The following DNAH14 variants were observed in gnomAD, a reference collection of about 807,000 sequenced individuals.
DNAH14 encodes axonemal beta dynein heavy chain 14.
DNAH14 carries 478 observed loss-of-function variants against 520.9 expected under a neutral mutation model. The ratio of observed to expected loss-of-function variants is 0.92; its 90% CI spans 0.85 to 0.99. The LOEUF is 0.99. Ranked by LOEUF, DNAH14 falls within the 50% of genes least tolerant of loss-of-function variation. The pLI, the probability that DNAH14 is intolerant of heterozygous loss-of-function variation, is 0.00. For synonymous variants in DNAH14, 1,581 were observed against 1,757.2 expected (o/e 0.90, Z 2.51); for missense variants, 4,831 against 5,234.5 (o/e 0.92, Z 2.38).
rs7413487 is a variant in DNAH14 at position 224,945,965 on chromosome 1, G to A, written c.-33-6705G>A. On this transcript the variant is annotated intron_variant, in intron 1 of 85. Transcript: ENST00000682510. ...AACTGCTTGAGGAGGCAGTCTGTCC[G>A]TTCTCAAATCTCCAGCTGCATGCTG... Among the ~76,000 whole-genome samples the A allele has an allele frequency of 5.4e-5, 8 of 149,392 alleles. No homozygotes were observed. The South Asian group carries it at 8.5e-4, about 16-fold the overall frequency.
intron 77 of DNAH14, among the ~76,000 whole-genome samples, chr1:225,370,982 T>C (rs2150643575): frequency 6.6e-6 from 1 of 152,270 alleles, no homozygotes; most frequent in Admixed American, 6.5e-5. Context: ...GGTAGGCCAA[T>C]TGCCACAAAA....
At chr1:224,938,378 A>G in intron 1 of DNAH14, among the ~76,000 whole-genome samples, 1 of 152,220 alleles carries the variant, frequency 6.6e-6, no homozygotes, top group East Asian at 1.9e-4. Context: ...AAATAGACAA[A>G]AGATATGAAC....
intron 35 of DNAH14, among the ~76,000 whole-genome samples, chr1:225,161,587 T>C (rs12736406): frequency 0.13 from 20,367 of 152,164 alleles, 1,508 homozygotes; most frequent in East Asian, 0.31. Context: ...AACCTCCAAA[T>C]TGTTCTCCAT....
chr1:225,216,265 A>G (rs1013199200), intron 41 of DNAH14, among the ~76,000 whole-genome samples: 8 of 152,128 alleles, frequency 5.3e-5, no homozygotes, highest in Admixed American at 2.0e-4. Flanking sequence ...CAAGAGATCC[A>G]CTGTTAGTCT....
intron 34 of DNAH14, among the ~76,000 whole-genome samples, chr1:225,154,244 A>G (rs999690829): frequency 6.6e-6 from 1 of 152,112 alleles, no homozygotes; most frequent in African/African-American, 2.4e-5. Context: ...TAAAATCATA[A>G]CATCTTAAAG....
intron 27 of DNAH14, among the ~76,000 whole-genome samples, chr1:225,128,382 A>G (rs2077999283): frequency 6.6e-6 from 1 of 152,172 alleles, no homozygotes; most frequent in African/African-American, 2.4e-5. Context: ...ATTTTAGACC[A>G]ATATCCTTGA....
intron 41 of DNAH14, among the ~76,000 whole-genome samples, chr1:225,209,722 A>C (rs1033018218): frequency 1.3e-5 from 2 of 152,192 alleles, no homozygotes; most frequent in African/African-American, 4.8e-5. Context: ...TGATTTAAGC[A>C]TGAGAAGTGC....
At chr1:225,357,777 CGTGTGTAGCTTCA>C in intron 73 of DNAH14, 1 of 701,992 alleles carries the variant, frequency 1.4e-6, no homozygotes, top group Non-Finnish European at 2.6e-6. Context: ...GGCACACTGA[CGTGTGTAGCTTCA>C]GTTTTGCTTT....
At chr1:224,992,848 A>G (rs757082128) in intron 8 of DNAH14, among the ~76,000 whole-genome samples, 3 of 152,010 alleles carry the variant, frequency 2.0e-5, no homozygotes, top group Non-Finnish European at 4.4e-5. Flanking sequence ...GCCTCATTAT[A>G]TATGGCCTTA....
intron 10 of DNAH14, among the ~76,000 whole-genome samples, chr1:225,012,961 T>C (rs2064914739): frequency 6.6e-6 from 1 of 152,218 alleles, no homozygotes; most frequent in Non-Finnish European, 1.5e-5. Flanking sequence ...AGCCTACTTC[T>C]GTCAGTTCAT....
At chr1:225,226,369 A>G (rs1224925102) in intron 41 of DNAH14, among the ~76,000 whole-genome samples, 1 of 152,214 alleles carries the variant, frequency 6.6e-6, no homozygotes, top group Non-Finnish European at 1.5e-5. Flanking sequence ...CCGCCCAAAC[A>G]CAATTATGGC....
chr1:225,045,838 G>A (rs1026185557), intron 15 of DNAH14, among the ~76,000 whole-genome samples: 3 of 151,966 alleles, frequency 2.0e-5, no homozygotes, highest in African/African-American at 7.2e-5. Flanking sequence ...ATAAACTTGG[G>A]GTGGGAGGAG....
At chr1:225,282,502 A>G (rs865781740) in intron 54 of DNAH14, among the ~76,000 whole-genome samples, 2 of 152,226 alleles carry the variant, frequency 1.3e-5, no homozygotes, top group Non-Finnish European at 2.9e-5. Context: ...GCAAGTATTC[A>G]ATGTTAACTT....
chr1:225,149,080 T>C (rs1160611763), intron 31 of DNAH14, among the ~76,000 whole-genome samples: 3 of 144,864 alleles, frequency 2.1e-5, no homozygotes, highest in Non-Finnish European at 3.0e-5. Flanking sequence ...GTTTTTATAG[T>C]TTTGGGTTTT....
Position 225,270,759 on chromosome 1 carries a change from G to A in DNAH14, c.7564G>A (p.Ala2522Thr). 1 of 1,551,206 alleles carries A rather than the reference G, an allele frequency of 6.4e-7. No homozygotes were observed. The highest frequency in any genetic ancestry group is 8.7e-7 in the Non-Finnish European group (1 of 1,146,752). Reference protein sequence around the residue: ...WKNIQDLSIVAACVPVVNDIS... With the variant: ...WKNIQDLSIVTACVPVVNDIS... ...GAATATTCAAGATCTGTCTATAGTT[G>A]CAGCTTGTGTTCCAGTTGTGAATGA... Residue 2522 changes from alanine (A) to threonine (T), a missense_variant, in exon 50 of 86, where the codon GCA becomes ACA. Ala to Thr is a moderately conservative substitution (Grantham distance 58). Transcript: ENST00000682510.
At chr1:225,225,251 C>A (rs1372479698) in intron 41 of DNAH14, among the ~76,000 whole-genome samples, 1 of 152,174 alleles carries the variant, frequency 6.6e-6, no homozygotes, top group Non-Finnish European at 1.5e-5. Context: ...TTAGTTATGG[C>A]AAACAGATGT....
chr1:225,014,809 C>G (rs758044454), intron 10 of DNAH14, among the ~76,000 whole-genome samples: 3 of 152,078 alleles, frequency 2.0e-5, no homozygotes, highest in Non-Finnish European at 4.4e-5. Context: ...TTTATGAGGT[C>G]CATTTAGTTT....
At chr1:225,301,859 A>G (rs908847101) in intron 56 of DNAH14, among the ~76,000 whole-genome samples, 1 of 152,064 alleles carries the variant, frequency 6.6e-6, no homozygotes, top group Non-Finnish European at 1.5e-5. Flanking sequence ...ACAAGATAAT[A>G]TGAGTGGATA....
Position 225,258,022 on chromosome 1 carries a change from G to A in DNAH14, c.6928G>A (p.Gly2310Arg), listed in dbSNP as rs762048073. 5.2e-6 allele frequency: 8 copies of A among 1,549,986 alleles called. No individual in the cohort carries two copies. The highest frequency in any genetic ancestry group is 1.7e-4 in the Middle Eastern group (1 of 5,984). ...GGNFLKITECGECINYTATRD... is the reference protein window; with the variant it reads ...GGNFLKITECRECINYTATRD... The stretch of plus-strand genomic sequence containing the variant: ...AAACTTCTTGAAGATAACAGAATGT[G>A]GAGAATGCATTAATTATACCGCTAC... Residue 2310 changes from glycine to arginine, a missense_variant, in exon 45 of 86, where the codon GGA (glycine) becomes AGA (arginine). By Grantham distance (125) the Gly-to-Arg change is moderately radical. Transcript: ENST00000682510.
Sources: allele counts gnomAD v4.1 joint callset (sites outside exome capture counted in the v4.1 genomes callset), GRCh38; gene constraint gnomAD v4.1.1; transcripts MANE v1.5; gene names NCBI Gene and HGNC (gene_info 2026-07-23, HGNC 2026-07-21).